The following HECW1 variants were observed in gnomAD, a reference collection of about 807,000 sequenced individuals.
HECW1 encodes HECT, C2 and WW domain containing E3 ubiquitin protein ligase 1.
A neutral mutation model predicts 182.3 loss-of-function variants in HECW1; 61 were observed. The ratio of observed to expected loss-of-function variants is 0.33; its 90% CI spans 0.27 to 0.41. The LOEUF is 0.41. Ranked by LOEUF, HECW1 falls within the 10% of genes least tolerant of loss-of-function variation. The pLI is 1.00. For synonymous variants in HECW1, 859 were observed against 832.6 expected (o/e 1.03, Z -0.55); for missense variants, 1,739 against 2,108.9 (o/e 0.82, Z 3.44).
rs1253192913 is a variant in HECW1, at chr7:43,203,745, C to T, written c.-31-40130C>T. On this transcript the variant is annotated intron_variant, in intron 2 of 29. Transcript: ENST00000395891. ...AATGCTGGTCACTGGTGGTAGCCAC[C>T]GCTCCCAGCCAAGCCACATCACTTT... 5.3e-5 allele frequency among the ~76,000 whole-genome samples: 8 copies of T among 152,234 alleles called. No individual in the cohort carries two copies. In the South Asian group the frequency reaches 1.0e-3, roughly 20 times the overall value.
intron 2 of HECW1, among the ~76,000 whole-genome samples, chr7:43,178,269 G>T (rs1039080653): frequency 2.6e-5 from 4 of 152,062 alleles, no homozygotes; most frequent in African/African-American, 9.7e-5. Context: ...GCCTCCCAAA[G>T]TACTGGGATT....
intron 16 of HECW1, among the ~76,000 whole-genome samples, chr7:43,469,889 A>G (rs2164038): frequency 0.28 from 42,175 of 152,010 alleles, 6,551 homozygotes; most frequent in African/African-American, 0.42. Context: ...CTCTGTGAAC[A>G]TGGGCCTGCA....
intron 24 of HECW1, 68 bp downstream of exon 24, chr7:43,509,189 C>T (rs2079739610): frequency 1.3e-6 from 2 of 1,530,532 alleles, no homozygotes; most frequent in East Asian, 4.5e-5. Context: ...AATTCAGCAG[C>T]ATTTCTCAAA....
At chr7:43,130,048 G>T (rs1786737485) in intron 2 of HECW1, among the ~76,000 whole-genome samples, 1 of 152,166 alleles carries the variant, frequency 6.6e-6, no homozygotes, top group African/African-American at 2.4e-5. Flanking sequence ...AAGGCTGATT[G>T]TATACATTGC....
chr7:43,513,264 T>G (rs2079967147), intron 24 of HECW1, among the ~76,000 whole-genome samples: 2 of 152,208 alleles, frequency 1.3e-5, no homozygotes. Context: ...AATGCACATG[T>G]CCCTTAAGAT....
intron 2 of HECW1, among the ~76,000 whole-genome samples, chr7:43,240,341 T>C (rs1207516855): frequency 6.6e-6 from 1 of 152,104 alleles, no homozygotes; most frequent in East Asian, 1.9e-4. Flanking sequence ...CCGTCTCAAA[T>C]AAAGTAATAA....
chr7:43,441,253 G>A (rs1452873437), intron 9 of HECW1, among the ~76,000 whole-genome samples: 1 of 152,122 alleles, frequency 6.6e-6, no homozygotes, highest in South Asian at 2.1e-4. Flanking sequence ...GGAGGGGATG[G>A]CATGAAAATC....
chr7:43,496,347 T>C lies in HECW1; in HGVS notation c.3437+3167T>C, dbSNP rs141667714. ...ACCCTAAGGAAACTGTGGACCCAGGTTGAGAACCCAAATATTTCATCAAAA... is the reference window on the plus strand; with the variant it reads ...ACCCTAAGGAAACTGTGGACCCAGGCTGAGAACCCAAATATTTCATCAAAA... On this transcript the variant is annotated intron_variant, in intron 19 of 29. Transcript: ENST00000395891. Among the ~76,000 whole-genome samples the C allele has an allele frequency of 3.6e-3, 546 of 151,934 alleles. 1 individual carries two copies. The highest frequency in any genetic ancestry group is 6.2e-3 in the Non-Finnish European group (419 of 67,966).
chr7:43,552,726 T>C (rs552506540), intron 28 of HECW1, among the ~76,000 whole-genome samples: 41 of 152,372 alleles, frequency 2.7e-4, no homozygotes, highest in African/African-American at 8.4e-4. Context: ...TTCATCCATG[T>C]TGTATGTAGC....
At chr7:43,280,225 A>G (rs907817161) in intron 3 of HECW1, among the ~76,000 whole-genome samples, 6 of 152,276 alleles carry the variant, frequency 3.9e-5, no homozygotes, top group Admixed American at 3.9e-4. Context: ...GCCCATCTGC[A>G]CTTTTGGTTT....
rs1427153511 is a variant in HECW1, at chr7:43,190,543, C to A, written c.-31-53332C>A. ...ATGAAATACATTGATACAGTGGAGC[C>A]ATGGATTGAGAACTATTTCTCATAA... On this transcript the variant is annotated intron_variant, in intron 2 of 29. Coordinates refer to ENST00000395891, the MANE Select transcript of HECW1 (RefSeq NM_015052.5). Among the ~76,000 whole-genome samples, 7 of 152,168 alleles carry A rather than the reference C, an allele frequency of 4.6e-5. No individual in the cohort carries two copies. The East Asian group carries it at 1.2e-3, about 25-fold the overall frequency.
At chr7:43,178,454 G>T (rs952771432) in intron 2 of HECW1, among the ~76,000 whole-genome samples, 1 of 152,178 alleles carries the variant, frequency 6.6e-6, no homozygotes, top group East Asian at 1.9e-4. Context: ...GAATTTACTG[G>T]ATTAAATAAG....
rs1361005534 is a variant in HECW1 at position 43,479,750 on chromosome 7, C to T, written c.3234+6C>T. ...GAAGTTACAGCGCTGGAGAGGTAAC[C>T]CTCCCTACACCCCGCCCTACTGTTC... On this transcript the variant is annotated splice_donor_region_variant and intron_variant, in intron 17 of 29. Transcript: ENST00000395891. The T allele has an allele frequency of 6.2e-7, 1 of 1,613,774 alleles. No homozygotes were observed. The highest frequency in any genetic ancestry group is 8.5e-7 in the Non-Finnish European group (1 of 1,179,794).
rs180979975 is a variant in HECW1 at position 43,115,267 on chromosome 7, A to G, written c.-32+876A>G. 7.7e-3 allele frequency among the ~76,000 whole-genome samples: 1,149 copies of G among 150,166 alleles called. 14 individuals carry two copies. The highest frequency in any genetic ancestry group is 0.012 in the Non-Finnish European group (826 of 67,770). On this transcript the variant is annotated intron_variant, in intron 2 of 29. Coordinates refer to ENST00000395891, the MANE Select transcript of HECW1 (RefSeq NM_015052.5). The stretch of plus-strand genomic sequence containing the variant: ...AAACCCAAGCGTCTGCATTTTCCCC[A>G]TAAGTGAAATTACTCACCAACTCAA...
At chr7:43,329,393 C>A (rs1049984720) in intron 5 of HECW1, among the ~76,000 whole-genome samples, 2 of 151,654 alleles carry the variant, frequency 1.3e-5, no homozygotes, top group Non-Finnish European at 2.9e-5. Context: ...GGCGAGAAGA[C>A]TGTAAGGTGC....
intron 7 of HECW1, among the ~76,000 whole-genome samples, chr7:43,405,611 GC>G (rs1370382865): frequency 2.4e-4 from 36 of 152,120 alleles, no homozygotes; most frequent in African/African-American, 8.7e-4. Context: ...TGGGGGTGGT[GC>G]TGGTCATGTG....
At chr7:43,205,149 T>A (rs974565554) in intron 2 of HECW1, among the ~76,000 whole-genome samples, 1 of 151,822 alleles carries the variant, frequency 6.6e-6, no homozygotes, top group African/African-American at 2.4e-5. Context: ...AGTGGTGCGA[T>A]CTTGGCTCAC....
intron 10 of HECW1, among the ~76,000 whole-genome samples, chr7:43,443,371 C>T (rs1175009466): frequency 6.6e-6 from 1 of 152,212 alleles, no homozygotes; most frequent in Non-Finnish European, 1.5e-5. Context: ...CAATATACAA[C>T]TTAGATTGTA....
chr7:43,254,843 T>C (rs1800396963), intron 3 of HECW1, among the ~76,000 whole-genome samples: 1 of 152,222 alleles, frequency 6.6e-6, no homozygotes, highest in African/African-American at 2.4e-5. Context: ...TTGTCTTTGC[T>C]AGAGTCATTT....
Sources: allele counts gnomAD v4.1 joint callset (sites outside exome capture counted in the v4.1 genomes callset), GRCh38; gene constraint gnomAD v4.1.1; transcripts MANE v1.5; gene names NCBI Gene and HGNC (gene_info 2026-07-23, HGNC 2026-07-21).